Variants in PCDHGA2 observed in about 807,000 individuals in gnomAD.
PCDHGA2 encodes protocadherin gamma-A2.
A neutral mutation model predicts 59.2 loss-of-function variants in PCDHGA2; 40 were observed. The ratio of observed to expected loss-of-function variants is 0.68; its 90% CI spans 0.52 to 0.88. The LOEUF (loss-of-function observed/expected upper bound fraction) is 0.88. Among genes scored for constraint, PCDHGA2 ranks in the 40% least tolerant of loss-of-function variants. PCDHGA2 has a pLI of 0.00. For synonymous variants in PCDHGA2, 560 were observed against 526.0 expected (o/e 1.06, Z -0.89); for missense variants, 1,226 against 1,204.0 (o/e 1.02, Z -0.27).
At chr5:141,381,261 C>G (rs1221626643) in intron 1 of PCDHGA2, among the ~76,000 whole-genome samples, 2 of 152,248 alleles carry the variant, frequency 1.3e-5, no homozygotes, top group Non-Finnish European at 2.9e-5. Flanking sequence ...AATTTACAAA[C>G]CAAGACTGTT....
intron 2 of PCDHGA2, among the ~76,000 whole-genome samples, chr5:141,503,269 C>A (rs1161751693): frequency 6.6e-6 from 1 of 152,116 alleles, no homozygotes; most frequent in Non-Finnish European, 1.5e-5. Context: ...ACCCCAGCAC[C>A]TGGCTCTGTG....
At chr5:141,372,161 C>A in intron 1 of PCDHGA2, 1 of 1,613,776 alleles carries the variant, frequency 6.2e-7, no homozygotes, top group Non-Finnish European at 8.5e-7. Flanking sequence ...ACCTGGTGAC[C>A]AAGGTGGTGG....
chr5:141,394,080 A>G (rs766939528), intron 1 of PCDHGA2: 2 of 1,613,920 alleles, frequency 1.2e-6, no homozygotes, highest in Non-Finnish European at 1.7e-6. Flanking sequence ...TATCACAGTG[A>G]TGGCCTCAGA....
chr5:141,463,438 C>CTTTTTTTT (rs71576115), intron 1 of PCDHGA2, among the ~76,000 whole-genome samples: 3 of 103,252 alleles, frequency 2.9e-5, no homozygotes, highest in African/African-American at 8.9e-5. Context: ...TTTCCTTCTC[C>CTTTTTTTT]TTTTTTTTTT....
chr5:141,421,359 C>A (rs2096566292), intron 1 of PCDHGA2: 6 of 1,614,012 alleles, frequency 3.7e-6, no homozygotes, highest in Non-Finnish European at 5.1e-6. Context: ...AAAAGGGCTC[C>A]TTCGTGGGCA....
chr5:141,373,326 G>A (rs1419997594), intron 1 of PCDHGA2, among the ~76,000 whole-genome samples: 3 of 152,172 alleles, frequency 2.0e-5, no homozygotes, highest in East Asian at 3.8e-4. Context: ...AGAAATAATG[G>A]CATCTAAAAT....
intron 1 of PCDHGA2, chr5:141,345,845 G>A: frequency 6.2e-7 from 1 of 1,613,458 alleles, no homozygotes; most frequent in Non-Finnish European, 8.5e-7. Context: ...ACGCCTGGCT[G>A]TCCTACCGCC....
In PCDHGA2 at chr5:141,383,199, G is replaced by A. The variant is rs574670513; in HGVS notation, c.2424+41804G>A. The stretch of plus-strand genomic sequence containing the variant: ...GGGAAGAGATCTGCGCTCAGAGTGC[G>A]CGGTGTCTGGTAAACTTTAACATCC... On this transcript the variant is annotated intron_variant, in intron 1 of 3. Transcript: ENST00000394576. 6.2e-6 allele frequency: 10 copies of A among 1,614,040 alleles called. No homozygotes were observed. The East Asian group carries it at 1.8e-4, about 29-fold the overall frequency.
At position 141,485,122 on chromosome 5, in the gene PCDHGA2, G is replaced by C. The variant is rs1000179570; in HGVS notation, c.2425-9685G>C. The stretch of plus-strand genomic sequence containing the variant: ...CAGCTGCTGTGGCTGTTTGGGGCGG[G>C]TCGGCTTCATCCGCGTCTCAGGAGC... On this transcript the variant is annotated intron_variant, in intron 1 of 3. Transcript: ENST00000394576. This position sits in a 1 kb window ranked among gnomAD's most constrained non-coding sequence, Gnocchi z 5.7. The C allele has an allele frequency of 4.3e-6, 6 of 1,387,506 alleles. No individual in the cohort carries two copies. In the African/African-American group the frequency reaches 8.5e-5, roughly 20 times the overall value. The allele number at this position is 1,387,506 out of a possible 1,614,324, so 85.9% of individuals were successfully genotyped here. A position where few individuals can be genotyped will look rare whatever the true frequency, so the allele number is the denominator to read the frequency against.
intron 1 of PCDHGA2, chr5:141,421,935 A>G: frequency 6.2e-7 from 1 of 1,613,514 alleles, no homozygotes; most frequent in East Asian, 2.2e-5. Context: ...TCCTCGATGT[A>G]AATGATCACA....
chr5:141,494,142 A>AAGACAACT (rs2099752181), intron 1 of PCDHGA2, among the ~76,000 whole-genome samples: 5 of 152,090 alleles, frequency 3.3e-5, no homozygotes, highest in Admixed American at 6.5e-5. Context: ...TTAGTCACAG[A>AAGACAACT]CCATTGTCTG....
intron 1 of PCDHGA2, chr5:141,411,270 A>G (rs1299052773): frequency 6.6e-6 from 1 of 152,160 alleles, no homozygotes; most frequent in African/African-American, 2.4e-5. Context: ...ATATTTTTAA[A>G]GCCTAAAAAT....
rs1336534139 is a variant in PCDHGA2 at position 141,341,334 on chromosome 5, A to G, written c.2363A>G (p.Lys788Arg). 1 of 1,614,106 alleles carries G rather than the reference A, an allele frequency of 6.2e-7. No individual in the cohort carries two copies. The highest frequency in any genetic ancestry group is 8.5e-7 in the Non-Finnish European group (1 of 1,180,036). The change falls in exon 1 of 4, where the codon AAG (lysine) becomes AGG (arginine). Residue 788 changes from lysine (K) to arginine (R), a missense_variant. By Grantham distance (26) the Lys-to-Arg change is conservative (BLOSUM62 2). Coordinates refer to ENST00000394576, the MANE Select transcript of PCDHGA2 (RefSeq NM_018915.4). ...TLISQESCEK[K>R]DFLSAPQSLL... Reference sequence around the variant, plus strand: ...ATCAGCCAGGAGAGCTGTGAGAAAAAGGATTTTTTATCAGCGCCTCAATCT... The same window carrying G: ...ATCAGCCAGGAGAGCTGTGAGAAAAGGGATTTTTTATCAGCGCCTCAATCT...
Position 141,477,649 on chromosome 5 carries a change from A to G in PCDHGA2, c.2425-17158A>G, listed in dbSNP as rs2099415032. 3.7e-6 allele frequency: 6 copies of G among 1,614,076 alleles called. No individual in the cohort carries two copies. Among genetic ancestry groups the G allele is most frequent in the Non-Finnish European group, 5.1e-6 (6 of 1,180,048 alleles). ...CCGGGCTAGTGGGTCGCTATTTCAC[A>G]ATAAATCGTGACAATGGCATAGTGT... On this transcript the variant is annotated intron_variant, in intron 1 of 3. Transcript: ENST00000394576. The surrounding 1 kb of genome is among the most constrained non-coding windows in gnomAD (Gnocchi z 4.9).
At chr5:141,341,841 A>G in intron 1 of PCDHGA2, 1 of 188,084 alleles carries the variant, frequency 5.3e-6, no homozygotes, top group South Asian at 1.4e-4. Context: ...GAAACATGTT[A>G]GTTGGCTAGT....
At chr5:141,420,808 G>A (rs539942896) in intron 1 of PCDHGA2, among the ~76,000 whole-genome samples, 2 of 152,288 alleles carry the variant, frequency 1.3e-5, no homozygotes, top group Admixed American at 6.5e-5. Flanking sequence ...AATTAAGCAA[G>A]CCCTTTTAAT....
At chr5:141,352,397 C>T (rs761570903) in intron 1 of PCDHGA2, 3 of 1,613,940 alleles carry the variant, frequency 1.9e-6, no homozygotes, top group Non-Finnish European at 2.5e-6. Context: ...GCGCCTGCGA[C>T]GTTCCTCCAG....
intron 1 of PCDHGA2, chr5:141,387,672 C>T (rs1222648666): frequency 5.7e-6 from 4 of 707,372 alleles, no homozygotes; most frequent in Non-Finnish European, 9.1e-6. Flanking sequence ...CTCCAGATCT[C>T]CTCGCGCAGC....
intron 1 of PCDHGA2, chr5:141,399,816 G>A: frequency 1.2e-6 from 2 of 1,613,196 alleles, no homozygotes; most frequent in Non-Finnish European, 1.7e-6. Context: ...ACCCCGCGCT[G>A]GGTCCCGACG....
Sources: gnomAD v4.1 joint callset for allele counts (sites outside exome capture counted in the v4.1 genomes callset) on GRCh38, gnomAD v4.1.1 for gene constraint, Gnocchi (gnomAD v3.1) non-coding constraint, MANE v1.5 for transcripts, NCBI Gene and HGNC (gene_info 2026-07-23, HGNC 2026-07-21) for gene names.